AP4E1: variants seen among roughly 807,000 people sequenced by gnomAD.
AP4E1 encodes AP-4 complex subunit epsilon-1.
A neutral mutation model predicts 128.2 loss-of-function variants in AP4E1; 56 were observed. The ratio of observed to expected loss-of-function variants is 0.44; its 90% CI spans 0.35 to 0.55. The LOEUF is 0.55. Among genes scored for constraint, AP4E1 ranks in the 20% least tolerant of loss-of-function variants. The pLI is 0.00. For synonymous variants in AP4E1, 484 were observed against 473.1 expected (o/e 1.02, Z -0.30); for missense variants, 1,324 against 1,307.7 (o/e 1.01, Z -0.19).
intron 13 of AP4E1, among the ~76,000 whole-genome samples, chr15:50,955,088 A>G (rs1043306718): frequency 1.3e-5 from 2 of 152,144 alleles, no homozygotes; most frequent in Non-Finnish European, 2.9e-5. Flanking sequence ...AATCCAGTCT[A>G]TCATTGATGG....
At chr15:50,965,833 C>T (rs1297330617) in intron 14 of AP4E1, among the ~76,000 whole-genome samples, 2 of 152,178 alleles carry the variant, frequency 1.3e-5, no homozygotes, top group South Asian at 2.1e-4. Flanking sequence ...CTACTTTTTG[C>T]CACCACCCCT....
At chr15:50,970,111 G>A (rs2414081) in intron 15 of AP4E1, among the ~76,000 whole-genome samples, 30 of 151,838 alleles carry the variant, frequency 2.0e-4, no homozygotes, top group African/African-American at 5.8e-4. Context: ...CTTTCCTAGC[G>A]CCTAGTATCC....
Position 50,908,832 on chromosome 15 carries a change from G to C in AP4E1, c.54G>C (p.Gln18His). 1 of 1,607,674 alleles carries C rather than the reference G, an allele frequency of 6.2e-7. No individual in the cohort carries two copies. Among genetic ancestry groups the C allele is most frequent in the Non-Finnish European group, 8.5e-7 (1 of 1,178,160 alleles). The part of the protein sequence containing the change: ...TLTALPGLFL[Q>H]NQPGGGPAAA... ...CGGCGCTGCCGGGACTCTTTCTGCA[G>C]AACCAGCCCGGTGGTGGGCCCGCGG... Residue 18 changes from glutamine (Q) to histidine (H), a missense_variant, in exon 1 of 21, where the codon CAG becomes CAC. Coordinates refer to ENST00000261842, the MANE Select transcript of AP4E1 (RefSeq NM_007347.5).
chr15:50,920,713 C>T (rs1345953071), intron 3 of AP4E1, among the ~76,000 whole-genome samples: 1 of 151,546 alleles, frequency 6.6e-6, no homozygotes, highest in Non-Finnish European at 1.5e-5. Context: ...ATGCCTTCTA[C>T]ATGTCTTCAC....
intron 7 of AP4E1, among the ~76,000 whole-genome samples, chr15:50,931,321 G>A (rs538583360): frequency 0.038 from 2 of 52 alleles, no homozygotes; most frequent in Admixed American, 0.5. Flanking sequence ...TGTAATCCCA[G>A]CACTTGGGAG....
intron 14 of AP4E1, among the ~76,000 whole-genome samples, chr15:50,962,060 A>G (rs1472600554): frequency 6.6e-6 from 1 of 150,924 alleles, no homozygotes; most frequent in African/African-American, 2.5e-5. Flanking sequence ...AAATTTAACC[A>G]GGGAGGTGGA....
At chr15:50,934,063 T>C (rs1436117770) in intron 7 of AP4E1, among the ~76,000 whole-genome samples, 1 of 152,024 alleles carries the variant, frequency 6.6e-6, no homozygotes, top group African/African-American at 2.4e-5. Context: ...CTCATCACAG[T>C]TATTCTTACT....
rs139941060 is a variant in AP4E1 at position 50,963,020 on chromosome 15, C to T, written c.1851+4226C>T. On this transcript the variant is annotated intron_variant, in intron 14 of 20. Coordinates refer to ENST00000261842, the MANE Select transcript of AP4E1 (RefSeq NM_007347.5). ...AAAATGCTCAACATTGCTAATCATC[C>T]GGGAGATGTAAATCAAAACCACCAT... Among the ~76,000 whole-genome samples the T allele has an allele frequency of 9.6e-3, 1,456 of 151,574 alleles. 13 individuals are homozygous for T. The highest frequency in any genetic ancestry group is 0.016 in the Admixed American group (240 of 15,198).
chr15:50,915,444 T>C lies in AP4E1; in HGVS notation c.223-4T>C. ...ATACAGCTACTGGATATTTTGCTTT[T>C]CAGAAAATGATGAAGGAATGTATGG... On this transcript the variant is annotated splice_region_variant and splice_polypyrimidine_tract_variant and intron_variant, in intron 2 of 20. Coordinates refer to ENST00000261842, the MANE Select transcript of AP4E1 (RefSeq NM_007347.5). The C allele has an allele frequency of 6.2e-7, 1 of 1,612,508 alleles. No individual in the cohort carries two copies. Among genetic ancestry groups the C allele is most frequent in the Non-Finnish European group, 8.5e-7 (1 of 1,178,874 alleles).
At chr15:50,908,284 A>T (rs557256190), upstream of AP4E1, among the ~76,000 whole-genome samples, 1 of 151,956 alleles carries the variant, frequency 6.6e-6, no homozygotes, top group East Asian at 1.9e-4. Context: ...GACCCGCGTG[A>T]AACCGCCTGT....
In AP4E1 at chr15:50,908,702, C is replaced by T. The variant is rs2306330; in HGVS notation, c.-77C>T. ...ACAGGAAGTGCCTACGGAGGCCGGG[C>T]CGGCAGCGGCGGCCGGGCATGAAGC... On this transcript the variant is annotated 5_prime_UTR_variant, in exon 1 of 21. Transcript: ENST00000261842. The T allele has an allele frequency of 2.4e-4, 330 of 1,388,638 alleles. 4 individuals are homozygous for T. In the East Asian group the frequency reaches 8.9e-3, roughly 37 times the overall value. The allele number at this position is 1,388,638 out of a possible 1,614,324, so 86.0% of individuals were successfully genotyped here. A position where few individuals can be genotyped will look rare whatever the true frequency, so the allele number is the denominator to read the frequency against.
chr15:50,994,796 G>GCATA (rs2064847617), intron 17 of AP4E1, among the ~76,000 whole-genome samples: 1 of 152,124 alleles, frequency 6.6e-6, no homozygotes, highest in Non-Finnish European at 1.5e-5. Context: ...TTTAACAAGT[G>GCATA]CATAGCTTTC....
intron 14 of AP4E1, among the ~76,000 whole-genome samples, chr15:50,962,867 T>C (rs2064334253): frequency 1.8e-5 from 1 of 56,362 alleles, no homozygotes; most frequent in African/African-American, 7.5e-5. Flanking sequence ...ATCCAGAATA[T>C]ATAAGGAACT....
intron 1 of AP4E1, 132 bp downstream of exon 1, chr15:50,909,060 G>A: frequency 1.4e-6 from 2 of 1,408,522 alleles, no homozygotes; most frequent in Non-Finnish European, 1.9e-6. Context: ...CTGCTGTGTC[G>A]GTTCGTCCTT....
Position 50,924,009 on chromosome 15 carries a change from T to C in AP4E1, c.420+5T>C. On this transcript the variant is annotated splice_donor_5th_base_variant and intron_variant, in intron 4 of 20. Coordinates refer to ENST00000261842, the MANE Select transcript of AP4E1 (RefSeq NM_007347.5). ...CTTGTGAATACAGTTGTAAAGGTAT[T>C]GTATTGTATGTTGGTTAATATGAAG... 1 of 1,596,878 alleles carries C rather than the reference T, an allele frequency of 6.3e-7. No homozygotes were observed. The highest frequency in any genetic ancestry group is 2.2e-5 in the East Asian group (1 of 44,658).
At chr15:50,939,689 G>A (rs1443475576) in intron 8 of AP4E1, among the ~76,000 whole-genome samples, 3 of 152,148 alleles carry the variant, frequency 2.0e-5, no homozygotes, top group South Asian at 2.1e-4. Flanking sequence ...AACTTTATGA[G>A]CATCTGAATA....
intron 10 of AP4E1, chr15:50,945,389 C>T: frequency 1.3e-6 from 1 of 778,752 alleles, no homozygotes; most frequent in Non-Finnish European, 2.4e-6. Context: ...AGAACAAATA[C>T]AGTTTGTTGG....
intron 8 of AP4E1, among the ~76,000 whole-genome samples, chr15:50,935,170 A>G (rs2063891100): frequency 6.6e-6 from 1 of 152,176 alleles, no homozygotes; most frequent in Non-Finnish European, 1.5e-5. Flanking sequence ...AGATTGATGG[A>G]CAGGGATAGG....
rs28674642 is a variant in AP4E1 at position 50,972,816 on chromosome 15, A to G, written c.1966+4439A>G. Among the ~76,000 whole-genome samples, 774 of 152,280 alleles carry G rather than the reference A, an allele frequency of 5.1e-3. 11 individuals carry two copies. The highest frequency in any genetic ancestry group is 0.018 in the African/African-American group (749 of 41,570). ...TTCTTAGGCTCATGATGTGGGTGCA[A>G]GGCTGTTTGGCTGGCCTTGGGGATG... On this transcript the variant is annotated intron_variant, in intron 15 of 20. Coordinates refer to ENST00000261842, the MANE Select transcript of AP4E1 (RefSeq NM_007347.5).
Sources: allele counts gnomAD v4.1 joint callset (sites outside exome capture counted in the v4.1 genomes callset), GRCh38; gene constraint gnomAD v4.1.1; transcripts MANE v1.5; gene names NCBI Gene and HGNC (gene_info 2026-07-23, HGNC 2026-07-21).